Variants in FGD3 observed in about 807,000 individuals in gnomAD.
The protein encoded by FGD3 is FYVE, RhoGEF and PH domain-containing protein 3.
FGD3 carries 45 observed loss-of-function variants against 71.8 expected under a neutral mutation model. That is an observed-to-expected ratio of 0.63 (90% confidence interval 0.49 to 0.80). FGD3 has a LOEUF of 0.80. Ranked by LOEUF, FGD3 falls within the 30% of genes least tolerant of loss-of-function variation. The pLI is 0.00. For synonymous variants in FGD3, 378 were observed against 392.8 expected, an observed-to-expected ratio of 0.96 and a Z score of 0.44; for missense variants, 844 against 951.5, an observed-to-expected ratio of 0.89 and a Z score of 1.49.
chr9:93,009,031 G>A (rs1427080720), intron 6 of FGD3, among the ~76,000 whole-genome samples: 2 of 151,670 alleles, frequency 1.3e-5, no homozygotes, highest in Non-Finnish European at 2.9e-5. Flanking sequence ...TTGGGAGACC[G>A]AGGTAGGCAG....
intron 14 of FGD3, among the ~76,000 whole-genome samples, chr9:93,024,973 G>A (rs1311433767): frequency 1.3e-5 from 2 of 152,252 alleles, no homozygotes; most frequent in Admixed American, 1.3e-4. Flanking sequence ...CAGAGAAGCT[G>A]TCAGGCGCTG....
intron 14 of FGD3, 48 bp from the exon 15 acceptor site, chr9:93,029,826 G>A (rs1564172238): frequency 3.8e-6 from 6 of 1,595,246 alleles, no homozygotes; most frequent in Non-Finnish European, 5.1e-6. Flanking sequence ...GTGGGGTAGG[G>A]TGCACACATG....
Position 93,034,526 on chromosome 9 carries a change from T to C in FGD3, c.1786-15T>C. 1 of 1,603,876 alleles carries C rather than the reference T, an allele frequency of 6.2e-7. No homozygotes were observed. The highest frequency in any genetic ancestry group is 1.3e-5 in the African/African-American group (1 of 74,722). On this transcript the variant is annotated splice_polypyrimidine_tract_variant and intron_variant, in intron 16 of 17. Transcript: ENST00000375482. ...CAGGGGAGACTGCCCCTAACCTGTG[T>C]CTTTGTGTCCCCAGAAGACACCCAC... is the stretch of plus-strand genomic sequence containing the variant.
At position 93,003,962 on chromosome 9, in the gene FGD3, A is replaced by G; in HGVS notation, c.544-39A>G. ...CGGGGCGGCAACTGTGCTCAGTGGA[A>G]GAGGCTCACTGGCCACACGTGGGCT... is the stretch of plus-strand genomic sequence containing the variant. On this transcript the variant is annotated intron_variant, in intron 4 of 17. Coordinates refer to ENST00000375482, the MANE Select transcript of FGD3 (RefSeq NM_001083536.2). The surrounding 1 kb of genome is among the most constrained non-coding windows in gnomAD (Gnocchi z 4.1). 6.8e-6 allele frequency: 11 copies of G among 1,612,056 alleles called. No homozygotes were observed. The highest frequency in any genetic ancestry group is 9.3e-6 in the Non-Finnish European group (11 of 1,178,886).
At chr9:93,011,309 T>C in intron 8 of FGD3, 37 bp downstream of exon 8, 13 of 1,613,500 alleles carry the variant, frequency 8.1e-6, no homozygotes, top group Non-Finnish European at 1.0e-5. Flanking sequence ...GGCAGGGTGG[T>C]GCAGCAAGAG....
At chr9:93,011,368 G>T (rs887241461) in intron 8 of FGD3, 96 bp downstream of exon 8, 87 of 1,471,190 alleles carry the variant, frequency 5.9e-5, no homozygotes, top group Admixed American at 8.6e-5. Flanking sequence ...CTATCCTTTG[G>T]GGGGCTCCAC....
At position 93,029,932 on chromosome 9, in the gene FGD3, A is replaced by G; in HGVS notation, c.1616A>G (p.Lys539Arg). 6.2e-7 allele frequency: 1 copy of G among 1,613,696 alleles called. No individual in the cohort carries two copies. Among genetic ancestry groups the G allele is most frequent in the East Asian group, 2.2e-5 (1 of 44,860 alleles). The part of the protein sequence containing the change: ...TRRDKEKQSC[K>R]SCGETFNSIT... The stretch of plus-strand genomic sequence containing the variant: ...CGTGACAAGGAGAAGCAGAGCTGTA[A>G]GAGCTGTGGTGAGACCTTCAACTCC... The change falls in exon 15 of 18, where the codon AAG (lysine) becomes AGG (arginine). Residue 539 changes from lysine (K) to arginine (R), a missense_variant. Transcript: ENST00000375482.
chr9:92,966,889 A>T (rs1025023711), intron 1 of FGD3, among the ~76,000 whole-genome samples: 19 of 152,322 alleles, frequency 1.2e-4, no homozygotes, highest in African/African-American at 3.6e-4. Context: ...GCATATGTTT[A>T]AAAAAAGTTT....
chr9:93,035,634 C>G lies in FGD3; in HGVS notation c.*45C>G. On this transcript the variant is annotated 3_prime_UTR_variant, in exon 18 of 18. Coordinates refer to ENST00000375482, the MANE Select transcript of FGD3 (RefSeq NM_001083536.2). ...TGCACACCACCACATTGGACCTGTG[C>G]TGTCCTGGGAGGTGGTGTTGGAGGC... 6.5e-7 allele frequency: 1 copy of G among 1,544,502 alleles called. No individual in the cohort carries two copies. The highest frequency in any genetic ancestry group is 8.7e-7 in the Non-Finnish European group (1 of 1,147,660).
chr9:93,005,550 G>C (rs951514987), intron 5 of FGD3, among the ~76,000 whole-genome samples: 4 of 152,030 alleles, frequency 2.6e-5, no homozygotes, highest in Non-Finnish European at 5.9e-5. Flanking sequence ...ATATTTTTCT[G>C]TTTCTTGAAA....
chr9:93,019,938 G>GT, intron 12 of FGD3, 77 bp downstream of exon 12: 1 of 1,539,106 alleles, frequency 6.5e-7, no homozygotes, highest in Non-Finnish European at 9.0e-7. Context: ...GGTTCAGAGG[G>GT]TGGGGGCCCT....
intron 6 of FGD3, 116 bp downstream of exon 6, chr9:93,006,296 C>A: frequency 8.7e-7 from 1 of 1,151,622 alleles, no homozygotes; most frequent in Non-Finnish European, 1.1e-6. Context: ...AGTAACATGA[C>A]ATTACTAAAA....
In FGD3 at chr9:93,020,466, G is replaced by A. The variant is rs115867184; in HGVS notation, c.1494+42G>A. 21 of 1,559,848 alleles carry A rather than the reference G, an allele frequency of 1.3e-5. No homozygotes were observed. The African/African-American group carries it at 1.4e-4, about 10-fold the overall frequency. ...GGGTGCAGAGAGACCTCCAGGGGAC[G>A]GGCTACCTGTGGAGAGCAGAAGGCA... On this transcript the variant is annotated intron_variant, in intron 13 of 17. Coordinates refer to ENST00000375482, the MANE Select transcript of FGD3 (RefSeq NM_001083536.2).
chr9:93,028,339 G>GA (rs58386783), intron 14 of FGD3, among the ~76,000 whole-genome samples: 1,470 of 139,156 alleles, frequency 0.011, 8 homozygotes, highest in Middle Eastern at 0.026. Flanking sequence ...TTTTAAACAG[G>GA]AAAAAAAAAA....
chr9:92,966,974 T>TGG (rs911993891), intron 1 of FGD3, among the ~76,000 whole-genome samples: 7 of 150,040 alleles, frequency 4.7e-5, no homozygotes, highest in African/African-American at 1.5e-4. Context: ...TTTTTTTTTT[T>TGG]GGGGGGGGAT....
intron 14 of FGD3, among the ~76,000 whole-genome samples, chr9:93,029,026 T>G (rs1406037798): frequency 1.7e-5 from 2 of 116,998 alleles, no homozygotes; most frequent in African/African-American, 6.4e-5. Flanking sequence ...TTTTTTTTTT[T>G]TTTTTTTTTT....
rs1351802667 is a variant in FGD3 at position 93,024,010 on chromosome 9, C to T, written c.1557+1621C>T. ...TAGAGACGGGGTTTCACCATGTTGG[C>T]CAGGATGGTCTCAATCTCTTGACCT... On this transcript the variant is annotated intron_variant, in intron 14 of 17. Coordinates refer to ENST00000375482, the MANE Select transcript of FGD3 (RefSeq NM_001083536.2). Among the ~76,000 whole-genome samples the T allele has an allele frequency of 3.3e-5, 5 of 152,052 alleles. No individual in the cohort carries two copies. The East Asian group carries it at 9.7e-4, about 30-fold the overall frequency.
At chr9:92,991,201 C>G (rs1284836832) in intron 3 of FGD3, among the ~76,000 whole-genome samples, 1 of 152,096 alleles carries the variant, frequency 6.6e-6, no homozygotes, top group Non-Finnish European at 1.5e-5. Flanking sequence ...GCCTCAGCCT[C>G]CTGAGGAGCT....
chr9:92,970,957 CTT>C (rs761359234), intron 1 of FGD3, among the ~76,000 whole-genome samples: 3 of 152,330 alleles, frequency 2.0e-5, no homozygotes, highest in Non-Finnish European at 2.9e-5. Flanking sequence ...ATCCAGCTCT[CTT>C]TGTTTTCTGT....
Sources: allele counts gnomAD v4.1 joint callset (sites outside exome capture counted in the v4.1 genomes callset), GRCh38; gene constraint gnomAD v4.1.1; non-coding constraint Gnocchi (gnomAD v3.1); transcripts MANE v1.5; gene names NCBI Gene and HGNC (gene_info 2026-07-23, HGNC 2026-07-21).